PRKN: variants seen among roughly 807,000 people sequenced by gnomAD.
PRKN encodes the protein E3 ubiquitin-protein ligase parkin.
Under a neutral mutation model 59.5 loss-of-function variants are expected in PRKN, and 56 were observed. That is an observed-to-expected ratio of 0.94 (90% CI 0.76 to 1.18). The LOEUF is 1.18. Ranked by LOEUF, PRKN falls within the 50% of genes most tolerant of loss-of-function variation. The pLI, the probability that PRKN is intolerant of heterozygous loss-of-function variation, is 0.00. For missense variants in PRKN, 657 were observed against 596.4 expected (o/e 1.10, Z -1.06); for synonymous variants, 250 against 222.1 (o/e 1.13, Z -1.12).
Position 162,109,117 on chromosome 6 carries a change from G to A in PRKN, c.535-54943C>T, listed in dbSNP as rs186602949. Among the ~76,000 whole-genome samples the A allele has an allele frequency of 1.7e-4, 26 of 152,298 alleles. 1 individual carries two copies. The highest frequency in any genetic ancestry group is 1.5e-3 in the Admixed American group (23 of 15,298). On this transcript the variant is annotated intron_variant, in intron 4 of 11. Coordinates refer to ENST00000366898, the MANE Select transcript of PRKN (RefSeq NM_004562.3). The stretch of plus-strand genomic sequence containing the variant: ...CAAGTTGTTGTCGTGAAAAGGGGCA[G>A]TAACTCCCAAGTGTTGCCATGGCAA...
intron 2 of PRKN, among the ~76,000 whole-genome samples, chr6:162,413,225 T>C (rs966294891): frequency 2.0e-5 from 3 of 152,172 alleles, no homozygotes; most frequent in Admixed American, 6.5e-5. Context: ...TTTTTATTGT[T>C]GTTTTTCTCA....
chr6:162,692,177 TAAA>T (rs11298895), intron 1 of PRKN, among the ~76,000 whole-genome samples: 9 of 146,578 alleles, frequency 6.1e-5, no homozygotes, highest in African/African-American at 2.3e-4. Flanking sequence ...ATTAGAAAAT[TAAA>T]AAAAAAAAAA....
rs149656609 is a variant in PRKN, at chr6:162,238,809, G to A, written c.412+23716C>T. 2.7e-4 allele frequency among the ~76,000 whole-genome samples: 41 copies of A among 152,322 alleles called. No homozygotes were observed. The East Asian group carries it at 7.2e-3, about 27-fold the overall frequency. On this transcript the variant is annotated intron_variant, in intron 3 of 11. Transcript: ENST00000366898. ...TGCCCAGAGCCACTGGAGGTACAAT[G>A]TGCCAGGCACAGCTGTGTGGGCAGC...
rs796761968 is a variant in PRKN, at chr6:161,958,880, C to A, written c.734+14422G>T. 5.8e-3 allele frequency among the ~76,000 whole-genome samples: 724 copies of A among 124,454 alleles called. 4 individuals carry two copies. Among genetic ancestry groups the A allele is most frequent in the African/African-American group, 0.021 (656 of 31,842 alleles). 81.6% of individuals were successfully genotyped at this position (124,454 alleles called of 152,430 possible). ...GGGCAACAAGAGTGAAACTCCATCT[C>A]AAAAAAAAAAAAATGAGAGAGAAAA... On this transcript the variant is annotated intron_variant, in intron 6 of 11. Coordinates refer to ENST00000366898, the MANE Select transcript of PRKN (RefSeq NM_004562.3).
intron 6 of PRKN, among the ~76,000 whole-genome samples, chr6:161,925,854 A>C (rs765026615): frequency 2.6e-5 from 4 of 152,210 alleles, no homozygotes; most frequent in Non-Finnish European, 5.9e-5. Context: ...GAAGAAAATA[A>C]GGGCAGCTAC....
At chr6:161,571,560 A>G (rs942567272) in intron 7 of PRKN, among the ~76,000 whole-genome samples, 2 of 152,250 alleles carry the variant, frequency 1.3e-5, no homozygotes, top group Non-Finnish European at 2.9e-5. Context: ...TTAAACCAAC[A>G]GAAGAAAATG....
At chr6:162,426,060 A>G (rs183808193) in intron 2 of PRKN, among the ~76,000 whole-genome samples, 9 of 152,364 alleles carry the variant, frequency 5.9e-5, no homozygotes, top group Admixed American at 4.6e-4. Context: ...TATGTCTTCA[A>G]AGGACTGCAA....
At chr6:162,045,888 C>T (rs1389518757) in intron 5 of PRKN, among the ~76,000 whole-genome samples, 1 of 152,230 alleles carries the variant, frequency 6.6e-6, no homozygotes, top group African/African-American at 2.4e-5. Context: ...AGTGACCTCC[C>T]ATCTCTAATC....
intron 7 of PRKN, among the ~76,000 whole-genome samples, chr6:161,647,918 T>G (rs779648705): frequency 2.6e-5 from 4 of 152,242 alleles, no homozygotes; most frequent in Non-Finnish European, 5.9e-5. Context: ...ATTTTCGTGC[T>G]TCTGAGAAAT....
intron 9 of PRKN, among the ~76,000 whole-genome samples, chr6:161,421,390 G>A (rs1485369402): frequency 6.6e-6 from 1 of 152,166 alleles, no homozygotes; most frequent in African/African-American, 2.4e-5. Context: ...AAGGGAGTTG[G>A]GTATTTGGCA....
At chr6:161,703,947 C>A (rs1389540746) in intron 7 of PRKN, among the ~76,000 whole-genome samples, 1 of 141,808 alleles carries the variant, frequency 7.1e-6, no homozygotes, top group Non-Finnish European at 1.5e-5. Flanking sequence ...CCTCCACCTT[C>A]CAGGTTCAAG....
At chr6:161,831,281 C>T (rs1792488314) in intron 6 of PRKN, among the ~76,000 whole-genome samples, 1 of 152,242 alleles carries the variant, frequency 6.6e-6, no homozygotes, top group Non-Finnish European at 1.5e-5. Context: ...GAACTGACCT[C>T]TATCCCAAGA....
intron 1 of PRKN, among the ~76,000 whole-genome samples, chr6:162,529,034 G>A (rs1211064667): frequency 2.6e-5 from 4 of 152,016 alleles, no homozygotes; most frequent in East Asian, 3.9e-4. Flanking sequence ...CCATCACACC[G>A]AGCTAATTTT....
chr6:162,565,028 GA>G lies in PRKN; in HGVS notation c.8-121556del, dbSNP rs552985876. Among the ~76,000 whole-genome samples, 176 of 151,986 alleles carry G rather than the reference GA, an allele frequency of 1.2e-3. 1 individual carries two copies. The highest frequency in any genetic ancestry group is 2.0e-3 in the Non-Finnish European group (136 of 67,958). The stretch of plus-strand genomic sequence containing the variant: ...TAAGTAAAAAGACTAAACAATGAAC[GA>G]ATCAAAAATAATAACTGAAATAACT... On this transcript the variant is annotated intron_variant, in intron 1 of 11. Transcript: ENST00000366898.
At chr6:162,242,895 T>A (rs568057790) in intron 3 of PRKN, among the ~76,000 whole-genome samples, 1 of 152,210 alleles carries the variant, frequency 6.6e-6, no homozygotes, top group African/African-American at 2.4e-5. Flanking sequence ...TGGAATTATA[T>A]TCAACACTTA....
chr6:161,573,740 A>AT (rs1780994234), intron 7 of PRKN, among the ~76,000 whole-genome samples: 1 of 45,860 alleles, frequency 2.2e-5, no homozygotes, highest in African/African-American at 9.0e-5. Context: ...AAAAAAAAAA[A>AT]AAAAAAAAAA....
At chr6:162,695,890 A>G (rs945551541) in intron 1 of PRKN, among the ~76,000 whole-genome samples, 2 of 152,170 alleles carry the variant, frequency 1.3e-5, no homozygotes, top group Admixed American at 6.6e-5. Context: ...CCGAGAAGCT[A>G]GAGTCCAAAT....
rs1329421533 is a variant in PRKN at position 161,354,322 on chromosome 6, T to C, written c.1286-4111A>G. On this transcript the variant is annotated intron_variant, in intron 11 of 11. Coordinates refer to ENST00000366898, the MANE Select transcript of PRKN (RefSeq NM_004562.3). This position sits in a 1 kb window ranked among gnomAD's most constrained non-coding sequence, Gnocchi z 6.7. ...TTTGTGGATATAGACATGAAGGGAATATGGCTTCCTTTGTAGTGAGTTCTG... is the reference window on the plus strand; with the variant it reads ...TTTGTGGATATAGACATGAAGGGAACATGGCTTCCTTTGTAGTGAGTTCTG... Among the ~76,000 whole-genome samples the C allele has an allele frequency of 6.6e-6, 1 of 152,172 alleles. No individual in the cohort carries two copies. The highest frequency in any genetic ancestry group is 1.5e-5 in the Non-Finnish European group (1 of 68,032).
intron 9 of PRKN, among the ~76,000 whole-genome samples, chr6:161,476,730 A>G (rs1341525030): frequency 6.6e-6 from 1 of 152,218 alleles, no homozygotes; most frequent in Non-Finnish European, 1.5e-5. Context: ...ATTTCTGAGA[A>G]CACTGGAGAT....
Sources: allele counts gnomAD v4.1 joint callset (sites outside exome capture counted in the v4.1 genomes callset), GRCh38; gene constraint gnomAD v4.1.1; non-coding constraint Gnocchi (gnomAD v3.1); transcripts MANE v1.5; gene names NCBI Gene and HGNC (gene_info 2026-07-23, HGNC 2026-07-21).